The following GSN variants were observed in gnomAD, a reference collection of about 807,000 sequenced individuals.
GSN encodes the protein actin-depolymerizing factor.
GSN carries 56 observed loss-of-function variants against 85.7 expected under a neutral mutation model. The observed-to-expected ratio is 0.65, with a 90% CI of 0.53 to 0.82. The LOEUF (loss-of-function observed/expected upper bound fraction) is 0.82. Ranked by LOEUF, GSN falls within the 40% of genes least tolerant of loss-of-function variation. The probability of loss-of-function intolerance (pLI) is 0.00; values close to 1 mark genes in which losing one functional copy is unlikely to be tolerated. For missense variants in GSN, 857 were observed against 979.8 expected (o/e 0.87, Z 1.67); for synonymous variants, 373 against 399.1 (o/e 0.93, Z 0.78).
chr9:121,265,801 G>C (rs1188192788), upstream of GSN: 2 of 152,180 alleles, frequency 1.3e-5, no homozygotes, highest in African/African-American at 2.4e-5. Context: ...GATCCAATGG[G>C]GGGAGAAGTA....
chr9:121,332,511 C>T lies in GSN; in HGVS notation c.2104C>T (p.Pro702Ser). Reference protein sequence around the residue: ...PITVVKQGFEPPSFVGWFLGW... With the variant: ...PITVVKQGFESPSFVGWFLGW... ...CACCGTGGTGAAGCAAGGCTTTGAG[C>T]CTCCCTCCTTTGTGGGCTGGTTCCT... Residue 702 changes from proline (P) to serine (S), a missense_variant, in exon 18 of 18, where the codon CCT becomes TCT. Transcript: ENST00000432226. The surrounding 1 kb of genome is among the most constrained non-coding windows in gnomAD (Gnocchi z 4.8). The T allele has an allele frequency of 6.2e-7, 1 of 1,613,938 alleles. No individual in the cohort carries two copies. The highest frequency in any genetic ancestry group is 8.5e-7 in the Non-Finnish European group (1 of 1,179,826).
chr9:121,302,027 T>G lies in GSN; in HGVS notation c.56T>G (p.Ile19Ser), dbSNP rs773880178. 1.9e-6 allele frequency: 3 copies of G among 1,614,250 alleles called. No individual in the cohort carries two copies. Among genetic ancestry groups the G allele is most frequent in the Non-Finnish European group, 1.7e-6 (2 of 1,180,048 alleles). ...GCAGGGAAGGAGCCTGGCCTGCAGA[T>G]CTGGCGTGTGGAGAAGTTCGATCTG... The part of the protein sequence containing the change: ...LKAGKEPGLQ[I>S]WRVEKFDLVP... Residue 19 changes from isoleucine (I) to serine (S), a missense_variant, in exon 3 of 18, where the codon ATC becomes AGC. Coordinates refer to ENST00000432226, the MANE Select transcript of GSN (RefSeq NM_198252.3).
At chr9:121,205,619 T>C (rs988410525), upstream of GSN, among the ~76,000 whole-genome samples, 5 of 152,066 alleles carry the variant, frequency 3.3e-5, no homozygotes, top group Non-Finnish European at 5.9e-5. Context: ...GGCAAAGAAG[T>C]GTCCATCAGA....
At chr9:121,325,317 C>T (rs901633071) in intron 12 of GSN, among the ~76,000 whole-genome samples, 5 of 152,148 alleles carry the variant, frequency 3.3e-5, no homozygotes, top group Admixed American at 6.5e-5. Flanking sequence ...ACCTGATGCA[C>T]GTGTAGGAGT....
At chr9:121,244,965 T>A (rs567606438) in intron 5 of GSN, among the ~76,000 whole-genome samples, 4 of 152,140 alleles carry the variant, frequency 2.6e-5, no homozygotes, top group Admixed American at 2.6e-4. Flanking sequence ...AGAAGCTAGC[T>A]TCTAAAAAAA....
At chr9:121,286,099 T>G in intron 2 of GSN, 1 of 1,535,152 alleles carries the variant, frequency 6.5e-7, no homozygotes, top group Non-Finnish European at 8.7e-7. Context: ...ATGATTAGGT[T>G]GGCCTGTGTC....
At chr9:121,220,985 A>G (rs949142977) in intron 4 of GSN, among the ~76,000 whole-genome samples, 2 of 152,220 alleles carry the variant, frequency 1.3e-5, no homozygotes, top group Non-Finnish European at 2.9e-5. Context: ...AATGTCAAAA[A>G]TTGTGAGATC....
chr9:121,251,184 G>GTGCTTT (rs2054824193), intron 6 of GSN, among the ~76,000 whole-genome samples: 1 of 6,372 alleles, frequency 1.6e-4, no homozygotes, highest in Non-Finnish European at 2.6e-4. Context: ...CAGCTGATGT[G>GTGCTTT]TTCTTTTTTT....
chr9:121,295,504 A>G (rs924375135), intron 2 of GSN, among the ~76,000 whole-genome samples: 3 of 152,220 alleles, frequency 2.0e-5, no homozygotes, highest in African/African-American at 4.8e-5. Context: ...GTGAAGAGAA[A>G]AGAACAGGGT....
intron 5 of GSN, among the ~76,000 whole-genome samples, chr9:121,238,398 A>G (rs1434051274): frequency 6.6e-6 from 1 of 152,186 alleles, no homozygotes; most frequent in Non-Finnish European, 1.5e-5. Flanking sequence ...TTTTTCTCCC[A>G]TTCTGGATGC....
intron 5 of GSN, chr9:121,239,617 G>A (rs901610764): frequency 4.9e-5 from 14 of 283,504 alleles, no homozygotes; most frequent in African/African-American, 2.0e-4. Flanking sequence ...ATGCTGGTCC[G>A]AATCATGTCC....
chr9:121,239,413 G>T (rs1184804549), intron 5 of GSN: 2 of 425,020 alleles, frequency 4.7e-6, no homozygotes, highest in South Asian at 2.1e-5. Flanking sequence ...GAAGAACCAG[G>T]CAGTTTCCAT....
At chr9:121,252,469 G>A (rs1465429099) in intron 6 of GSN, among the ~76,000 whole-genome samples, 1 of 152,212 alleles carries the variant, frequency 6.6e-6, no homozygotes, top group Non-Finnish European at 1.5e-5. Context: ...GACATTTACT[G>A]TTCACCAAGT....
intron 2 of GSN, among the ~76,000 whole-genome samples, chr9:121,287,658 A>C (rs1226562121): frequency 3.3e-5 from 5 of 151,164 alleles, no homozygotes; most frequent in African/African-American, 9.7e-5. Context: ...GCTTTGGCAG[A>C]ATAGTACACA....
chr9:121,271,758 C>A (rs2056003649), intron 1 of GSN, among the ~76,000 whole-genome samples: 1 of 152,170 alleles, frequency 6.6e-6, no homozygotes, highest in Non-Finnish European at 1.5e-5. Flanking sequence ...CTCATGCTTT[C>A]CTGTGCCATC....
intron 1 of GSN, among the ~76,000 whole-genome samples, chr9:121,271,575 A>G (rs532706427): frequency 6.6e-6 from 1 of 152,166 alleles, no homozygotes; most frequent in Non-Finnish European, 1.5e-5. Context: ...AGCCATAGCT[A>G]TTAATGACAG....
chr9:121,293,151 G>C (rs2058854844), intron 2 of GSN, among the ~76,000 whole-genome samples: 2 of 152,320 alleles, frequency 1.3e-5, no homozygotes, highest in Middle Eastern at 3.4e-3. Context: ...TGGTTGGCCT[G>C]GGGAAGCTTC....
chr9:121,247,202 G>T (rs1024573539), intron 5 of GSN, among the ~76,000 whole-genome samples: 1 of 152,144 alleles, frequency 6.6e-6, no homozygotes, highest in Non-Finnish European at 1.5e-5. Context: ...AAGTTCAGTG[G>T]TCATTGCAGC....
intron 4 of GSN, among the ~76,000 whole-genome samples, chr9:121,304,019 C>T (rs907255648): frequency 3.9e-5 from 6 of 152,218 alleles, no homozygotes; most frequent in African/African-American, 1.4e-4. Flanking sequence ...TCTTAGCATT[C>T]TTTCCACTAA....
Sources: allele counts gnomAD v4.1 joint callset (sites outside exome capture counted in the v4.1 genomes callset), GRCh38; gene constraint gnomAD v4.1.1; non-coding constraint Gnocchi (gnomAD v3.1); transcripts MANE v1.5; gene names NCBI Gene and HGNC (gene_info 2026-07-23, HGNC 2026-07-21).